Variants in CNTNAP2 observed in about 807,000 individuals in gnomAD.
The protein encoded by CNTNAP2 is contactin associated protein 2, also known as contactin-associated protein-like 2.
Under a neutral mutation model 155.2 loss-of-function variants are expected in CNTNAP2, and 98 were observed. The ratio of observed to expected loss-of-function variants is 0.63; its 90% CI spans 0.54 to 0.75. CNTNAP2 has a LOEUF of 0.75. Among genes scored for constraint, CNTNAP2 ranks in the 30% least tolerant of loss-of-function variants. The pLI is 0.00. For missense variants in CNTNAP2, 1,727 were observed against 1,688.1 expected, an observed-to-expected ratio of 1.02 and a Z score of -0.40; for synonymous variants, 651 against 631.2, an observed-to-expected ratio of 1.03 and a Z score of -0.47.
intron 13 of CNTNAP2, among the ~76,000 whole-genome samples, chr7:147,784,706 T>C (rs1235389896): frequency 6.6e-6 from 1 of 150,510 alleles, no homozygotes; most frequent in Non-Finnish European, 1.5e-5. Flanking sequence ...GATTTGTGTT[T>C]TTTTATATAT....
chr7:147,314,966 G>C (rs1403613254), intron 9 of CNTNAP2, among the ~76,000 whole-genome samples: 3 of 151,030 alleles, frequency 2.0e-5, no homozygotes, highest in Admixed American at 6.6e-5. Flanking sequence ...AGAAGAAATA[G>C]AAATAGTTCT....
At chr7:146,907,553 C>A (rs1464549852) in intron 3 of CNTNAP2, among the ~76,000 whole-genome samples, 9 of 137,738 alleles carry the variant, frequency 6.5e-5, no homozygotes, top group East Asian at 4.2e-4. Context: ...CCAAACTAAG[C>A]TTCATAAGTG....
chr7:146,280,307 G>A (rs1800230073), intron 1 of CNTNAP2, among the ~76,000 whole-genome samples: 1 of 152,186 alleles, frequency 6.6e-6, no homozygotes, highest in Non-Finnish European at 1.5e-5. Flanking sequence ...GATCAAGAAT[G>A]AGCCTTAAGT....
At chr7:146,436,387 A>G (rs1221336141) in intron 1 of CNTNAP2, among the ~76,000 whole-genome samples, 2 of 152,172 alleles carry the variant, frequency 1.3e-5, no homozygotes, top group African/African-American at 4.8e-5. Flanking sequence ...AAAAATGTGG[A>G]TTCATAATTT....
chr7:146,466,791 A>G (rs1221809218), intron 1 of CNTNAP2, among the ~76,000 whole-genome samples: 2 of 152,208 alleles, frequency 1.3e-5, no homozygotes, highest in Non-Finnish European at 2.9e-5. Context: ...ATAATTGACA[A>G]GCAACTAATT....
At chr7:147,347,428 A>G (rs1795886106) in intron 9 of CNTNAP2, among the ~76,000 whole-genome samples, 1 of 53,000 alleles carries the variant, frequency 1.9e-5, no homozygotes, top group East Asian at 4.1e-4. Flanking sequence ...GATTATATAT[A>G]TATATATATA....
intron 1 of CNTNAP2, among the ~76,000 whole-genome samples, chr7:146,699,417 TGTG>T (rs1800837887): frequency 6.6e-6 from 1 of 152,086 alleles, no homozygotes; most frequent in South Asian, 2.1e-4. Context: ...GTTCTGCTGA[TGTG>T]GTGATAGGGT....
intron 1 of CNTNAP2, among the ~76,000 whole-genome samples, chr7:146,586,300 G>A (rs1798690365): frequency 6.6e-6 from 1 of 152,032 alleles, no homozygotes; most frequent in Non-Finnish European, 1.5e-5. Flanking sequence ...TAAGATACAT[G>A]TGGCCTTTCT....
chr7:146,998,701 A>T (rs971682557), intron 3 of CNTNAP2, among the ~76,000 whole-genome samples: 4 of 152,014 alleles, frequency 2.6e-5, no homozygotes, highest in Non-Finnish European at 5.9e-5. Context: ...TTATATATTT[A>T]GGTGGTCCTA....
At chr7:146,151,645 T>A (rs13223941) in intron 1 of CNTNAP2, among the ~76,000 whole-genome samples, 3,608 of 21,160 alleles carry the variant, frequency 0.17, 196 homozygotes, top group African/African-American at 0.2. Flanking sequence ...GATATATATA[T>A]ATATATATAT....
intron 4 of CNTNAP2, among the ~76,000 whole-genome samples, chr7:147,056,458 A>G (rs1799563080): frequency 6.6e-6 from 1 of 152,168 alleles, no homozygotes; most frequent in Non-Finnish European, 1.5e-5. Flanking sequence ...GGGTTTTGCT[A>G]TGTTCCAAAG....
chr7:146,489,791 G>A (rs187431656), intron 1 of CNTNAP2, among the ~76,000 whole-genome samples: 1 of 151,820 alleles, frequency 6.6e-6, no homozygotes, highest in Admixed American at 6.6e-5. Context: ...GGCACGTGGG[G>A]GTGGTCTCCA....
chr7:147,600,204 C>G (rs1392283025), intron 12 of CNTNAP2, among the ~76,000 whole-genome samples: 1 of 152,190 alleles, frequency 6.6e-6, no homozygotes, highest in Non-Finnish European at 1.5e-5. Flanking sequence ...ATGGAACTGA[C>G]TGTCATTTCT....
At chr7:147,229,746 G>A (rs929624941) in intron 8 of CNTNAP2, among the ~76,000 whole-genome samples, 3 of 152,038 alleles carry the variant, frequency 2.0e-5, no homozygotes, top group East Asian at 1.9e-4. Context: ...AACTTGCAAA[G>A]GTAGATTATT....
chr7:147,549,011 T>G (rs1380257491), intron 11 of CNTNAP2, among the ~76,000 whole-genome samples: 1 of 152,198 alleles, frequency 6.6e-6, no homozygotes, highest in Non-Finnish European at 1.5e-5. Context: ...ACTGTAGCCT[T>G]GTAGTATAGT....
chr7:147,547,912 T>C (rs923788957), intron 11 of CNTNAP2, among the ~76,000 whole-genome samples: 4 of 152,284 alleles, frequency 2.6e-5, no homozygotes, highest in African/African-American at 9.6e-5. Flanking sequence ...TCCAGCTTCA[T>C]CTATGTCCCT....
At chr7:147,867,042 A>T (rs998458356) in intron 13 of CNTNAP2, among the ~76,000 whole-genome samples, 1 of 152,134 alleles carries the variant, frequency 6.6e-6, no homozygotes, top group Admixed American at 6.6e-5. Context: ...TCTTCACAGC[A>T]TCGATGGTCT....
chr7:148,039,024 C>T (rs963937330), intron 15 of CNTNAP2, among the ~76,000 whole-genome samples: 3 of 152,150 alleles, frequency 2.0e-5, no homozygotes, highest in African/African-American at 7.2e-5. Context: ...TGTATCTGTA[C>T]ATATGAGAAG....
chr7:147,688,316 A>G (rs529547605), intron 13 of CNTNAP2, among the ~76,000 whole-genome samples: 7 of 151,696 alleles, frequency 4.6e-5, no homozygotes, highest in Non-Finnish European at 4.4e-5. Context: ...AAAGCTAAAA[A>G]TAGCAAAAAT....
Sources: allele counts gnomAD v4.1 joint callset (sites outside exome capture counted in the v4.1 genomes callset), GRCh38; gene constraint gnomAD v4.1.1; transcripts MANE v1.5; gene names NCBI Gene and HGNC (gene_info 2026-07-23, HGNC 2026-07-21).